Variants in BPNT1 observed in about 807,000 individuals in gnomAD.
The protein encoded by BPNT1 is 3'(2'), 5'-bisphosphate nucleotidase 1, also known as 3'(2'),5'-bisphosphate nucleotidase 1.
Under a neutral mutation model 36.9 loss-of-function variants are expected in BPNT1, and 28 were observed. The ratio of observed to expected loss-of-function variants is 0.76; its 90% CI spans 0.56 to 1.04. The LOEUF is 1.04. Among genes scored for constraint, BPNT1 ranks in the 50% least tolerant of loss-of-function variants. The pLI, the probability that BPNT1 is intolerant of heterozygous loss-of-function variation, is 0.00. For missense variants in BPNT1, 313 were observed against 372.9 expected (o/e 0.84, Z 1.32); for synonymous variants, 119 against 130.9 (o/e 0.91, Z 0.62).
In BPNT1 at chr1:220,079,805, G is replaced by A. The variant is rs758908259; in HGVS notation, c.42C>T (p.Ser14=). ...CTGCCTTTTGAGCAATAGAATATGC[G>A]GAGGCTACCAACCGCATCAACACAG... ...SNTVLMRLVA[S]AYSIAQKAGM... Residue 14 remains serine, a synonymous_variant, in exon 2 of 9, where the codon TCC becomes TCT. Transcript: ENST00000322067. 24 of 1,613,800 alleles carry A rather than the reference G, an allele frequency of 1.5e-5. No homozygotes were observed. The highest frequency in any genetic ancestry group is 2.2e-5 in the East Asian group (1 of 44,850).
chr1:220,059,051 T>C (rs1662769290), intron 8 of BPNT1, 59 bp from the exon 9 acceptor site: 2 of 1,580,956 alleles, frequency 1.3e-6, no homozygotes, highest in Admixed American at 1.7e-5. Flanking sequence ...GTGGTTTTTC[T>C]AGTTATTTTT....
intron 1 of BPNT1, among the ~76,000 whole-genome samples, chr1:220,081,363 T>C (rs1431016663): frequency 6.6e-6 from 1 of 152,042 alleles, no homozygotes; most frequent in African/African-American, 2.4e-5. Flanking sequence ...ACCAACATGG[T>C]GAAACCTCGT....
intron 7 of BPNT1, among the ~76,000 whole-genome samples, chr1:220,062,427 AATG>A: frequency 6.6e-6 from 1 of 151,954 alleles, no homozygotes; most frequent in East Asian, 1.9e-4. Flanking sequence ...GTTTACTGAG[AATG>A]ATGATTTCCA....
chr1:220,067,219 C>G, intron 6 of BPNT1, 83 bp downstream of exon 6: 1 of 737,488 alleles, frequency 1.4e-6, no homozygotes, highest in East Asian at 3.8e-5. Flanking sequence ...AGCTAAAAAC[C>G]ACTTGCTTAG....
rs149199914 is a variant in BPNT1, at chr1:220,071,280, G to A, written c.333+1570C>T. Among the ~76,000 whole-genome samples, 79 of 152,154 alleles carry A rather than the reference G, an allele frequency of 5.2e-4. 1 individual carries two copies. The highest frequency in any genetic ancestry group is 1.8e-3 in the African/African-American group (74 of 41,534). On this transcript the variant is annotated intron_variant, in intron 4 of 8. Transcript: ENST00000322067. ...ATTGGAAAACTAAAGACATTATGGTGGCTATCTGAAGTCACAGGTTTAACT... is the reference window on the plus strand; with the variant it reads ...ATTGGAAAACTAAAGACATTATGGTAGCTATCTGAAGTCACAGGTTTAACT...
At chr1:220,069,744 C>G (rs954853993) in intron 4 of BPNT1, among the ~76,000 whole-genome samples, 1 of 151,844 alleles carries the variant, frequency 6.6e-6, no homozygotes, top group African/African-American at 2.4e-5. Context: ...GAGACCAGCC[C>G]GGCCAAAGTG....
chr1:220,066,811 G>A (rs1342179613), intron 6 of BPNT1, among the ~76,000 whole-genome samples: 2 of 152,146 alleles, frequency 1.3e-5, no homozygotes, highest in Admixed American at 6.6e-5. Flanking sequence ...AGCGTTACCT[G>A]GAAAACAACA....
chr1:220,066,054 C>T (rs1231878925), intron 6 of BPNT1: 3 of 1,513,314 alleles, frequency 2.0e-6, no homozygotes, highest in African/African-American at 1.4e-5. Flanking sequence ...GGAGCCAAAA[C>T]CCTAGCTATT....
At position 220,057,912 on chromosome 1, in the gene BPNT1, T is replaced by C. The variant is rs1251489498; in HGVS notation, c.*932A>G. On this transcript the variant is annotated 3_prime_UTR_variant, in exon 9 of 9. Transcript: ENST00000322067. Reference sequence around the variant, plus strand: ...TCTGGTTTAGGCCAGGTGCGGTGGCTCACACCTGTAATCCCAGCACTTTGG... The same window carrying C: ...TCTGGTTTAGGCCAGGTGCGGTGGCCCACACCTGTAATCCCAGCACTTTGG... 2 of 1,279,402 alleles carry C rather than the reference T, an allele frequency of 1.6e-6. No homozygotes were observed. Among genetic ancestry groups the C allele is most frequent in the East Asian group, 5.6e-5 (1 of 17,888 alleles). 79.3% of individuals were successfully genotyped at this position (1,279,402 alleles called of 1,614,324 possible). A position where few individuals can be genotyped will look rare whatever the true frequency, so the allele number is the denominator to read the frequency against.
chr1:220,067,573 G>C (rs745519155), intron 5 of BPNT1, among the ~76,000 whole-genome samples, 180 bp from the exon 6 acceptor site: 2 of 152,140 alleles, frequency 1.3e-5, no homozygotes. Context: ...ACAGCCATAG[G>C]ATCTATGGCC....
At chr1:220,060,362 G>A (rs1476618852) in intron 7 of BPNT1, among the ~76,000 whole-genome samples, 4 of 152,120 alleles carry the variant, frequency 2.6e-5, no homozygotes, top group Non-Finnish European at 4.4e-5. Context: ...TGTAATCCTA[G>A]CTACTTGGGA....
At chr1:220,088,636 C>T (rs1655983671) in intron 1 of BPNT1, among the ~76,000 whole-genome samples, 1 of 151,452 alleles carries the variant, frequency 6.6e-6, no homozygotes, top group South Asian at 2.1e-4. Flanking sequence ...CAAAAAAATG[C>T]AAAAATTAGA....
At position 220,078,891 on chromosome 1, in the gene BPNT1, G is replaced by A. The variant is rs984223549; in HGVS notation, c.120+836C>T. On this transcript the variant is annotated intron_variant, in intron 2 of 8. Coordinates refer to ENST00000322067, the MANE Select transcript of BPNT1 (RefSeq NM_006085.6). ...GATTAAGGCGTGAGCCACCGCACCC[G>A]GTCAGAAGATTGTGCTTTAAACTGG... Among the ~76,000 whole-genome samples, 12 of 152,096 alleles carry A rather than the reference G, an allele frequency of 7.9e-5. No individual in the cohort carries two copies. The East Asian group carries it at 1.4e-3, about 17-fold the overall frequency.
chr1:220,076,216 A>AT (rs891970062), intron 2 of BPNT1, among the ~76,000 whole-genome samples: 7 of 151,876 alleles, frequency 4.6e-5, no homozygotes, highest in Admixed American at 1.3e-4. Context: ...AAAATACAAA[A>AT]TTAGCCCAGG....
chr1:220,072,806 A>T, intron 4 of BPNT1, 44 bp downstream of exon 4: 5 of 1,512,972 alleles, frequency 3.3e-6, no homozygotes, highest in Middle Eastern at 1.7e-4. Flanking sequence ...ACTATGGCAA[A>T]AAGCCCAGGT....
At position 220,069,450 on chromosome 1, in the gene BPNT1, G is replaced by T; in HGVS notation, c.334-18C>A. The T allele has an allele frequency of 6.3e-7, 1 of 1,590,294 alleles. No individual in the cohort carries two copies. On this transcript the variant is annotated intron_variant, in intron 4 of 8. Transcript: ENST00000322067. ...ACCACGAGCTAAAATTAAAAAGAGA[G>T]AAGGAAAATATCTAAATCAAGCACA... is the stretch of plus-strand genomic sequence containing the variant.
intron 4 of BPNT1, among the ~76,000 whole-genome samples, chr1:220,070,735 T>G (rs111529271): frequency 0.058 from 8,766 of 150,474 alleles, 304 homozygotes; most frequent in East Asian, 0.11. Context: ...GTGCTGGGAT[T>G]ACAGGCTTGA....
chr1:220,087,894 G>T (rs1655889863), intron 1 of BPNT1, among the ~76,000 whole-genome samples: 1 of 151,778 alleles, frequency 6.6e-6, no homozygotes, highest in Admixed American at 6.6e-5. Flanking sequence ...TTTATTTTTT[G>T]AGACAGAGTT....
At chr1:220,059,408 G>T (rs1662813706) in intron 8 of BPNT1, among the ~76,000 whole-genome samples, 1 of 140,030 alleles carries the variant, frequency 7.1e-6, no homozygotes, top group Non-Finnish European at 1.5e-5. Context: ...TAGCGACCCT[G>T]TGTCAAAAAA....
Sources: gnomAD v4.1 joint callset for allele counts (sites outside exome capture counted in the v4.1 genomes callset) on GRCh38, gnomAD v4.1.1 for gene constraint, MANE v1.5 for transcripts, NCBI Gene and HGNC (gene_info 2026-07-23, HGNC 2026-07-21) for gene names.